The following NIN variants were observed in gnomAD, a reference collection of about 807,000 sequenced individuals.
NIN encodes glycogen synthase kinase 3 beta-interacting protein.
In NIN, 137 loss-of-function variants were observed where a neutral mutation model predicts 257.6. That is an observed-to-expected ratio of 0.53 (90% confidence interval 0.46 to 0.61). The LOEUF (loss-of-function observed/expected upper bound fraction) is 0.61, where lower values mean the gene tolerates loss of function less well. Ranked by LOEUF, NIN falls within the 20% of genes least tolerant of loss-of-function variation. The pLI is 0.00. For missense variants in NIN, 2,439 were observed against 2,501.2 expected (o/e 0.98, Z 0.53); for synonymous variants, 918 against 919.8 (o/e 1.00, Z 0.04).
chr14:50,751,588 A>C (rs999338857), intron 21 of NIN, among the ~76,000 whole-genome samples: 2 of 152,220 alleles, frequency 1.3e-5, no homozygotes, highest in African/African-American at 4.8e-5. Flanking sequence ...ATTTAGAGAT[A>C]GGGTCTCACC....
chr14:50,727,053 C>A (rs1276832932), intron 29 of NIN, among the ~76,000 whole-genome samples: 1 of 151,740 alleles, frequency 6.6e-6, no homozygotes, highest in Non-Finnish European at 1.5e-5. Flanking sequence ...AAAATTGGGC[C>A]TGGAGGACAT....
At chr14:50,768,986 A>G (rs1203890825) in intron 12 of NIN, among the ~76,000 whole-genome samples, 5 of 152,212 alleles carry the variant, frequency 3.3e-5, no homozygotes, top group Non-Finnish European at 7.3e-5. Flanking sequence ...TTAGCTTCTG[A>G]GACTTACACC....
chr14:50,796,807 T>C (rs1398616116), intron 4 of NIN, among the ~76,000 whole-genome samples: 1 of 151,880 alleles, frequency 6.6e-6, no homozygotes, highest in Non-Finnish European at 1.5e-5. Flanking sequence ...CTACTCCAGG[T>C]TTCAAGCAAT....
chr14:50,785,474 TTTTTTG>T (rs755452705), intron 5 of NIN, among the ~76,000 whole-genome samples: 17 of 152,148 alleles, frequency 1.1e-4, no homozygotes, highest in Non-Finnish European at 1.5e-4. Context: ...AGAGTTGTGG[TTTTTTG>T]TTTTTGTTTT....
intron 29 of NIN, chr14:50,727,610 T>C: frequency 1.4e-6 from 2 of 1,431,308 alleles, no homozygotes; most frequent in Non-Finnish European, 1.9e-6. Context: ...CTTATGTCTC[T>C]GTGTGTGGTG....
chr14:50,763,194 T>C (rs2141677884), intron 15 of NIN, among the ~76,000 whole-genome samples: 1 of 152,046 alleles, frequency 6.6e-6, no homozygotes, highest in East Asian at 1.9e-4. Flanking sequence ...GAGCTGTCTC[T>C]GAAATTTAAA....
rs762469121 is a variant in NIN at position 50,735,609 on chromosome 14, C to T, written c.5784G>A (p.Gln1928=). 60 of 1,609,012 alleles carry T rather than the reference C, an allele frequency of 3.7e-5. No homozygotes were observed. The highest frequency in any genetic ancestry group is 5.0e-5 in the Non-Finnish European group (59 of 1,179,460). The change falls in exon 28 of 31, where the codon CAG becomes CAA. Residue 1928 remains glutamine, a synonymous_variant. Coordinates refer to ENST00000530997, the MANE Select transcript of NIN (RefSeq NM_020921.4). ...EQSPANRKVS[Q]MNSLEQELET... ...CTAATTCTTGTTCAAGGGAATTCAT[C>T]TGACTGACCTGTTTAAAAAAAACAA...
At chr14:50,765,116 A>T (rs909382877) in intron 14 of NIN, among the ~76,000 whole-genome samples, 1 of 151,626 alleles carries the variant, frequency 6.6e-6, no homozygotes, top group Admixed American at 6.6e-5. Flanking sequence ...AGACACCTGC[A>T]ATCCCAGCTA....
In NIN at chr14:50,752,739, T is replaced by A; in HGVS notation, c.4735-6A>T. 6.7e-7 allele frequency: 1 copy of A among 1,500,240 alleles called. No homozygotes were observed. The highest frequency in any genetic ancestry group is 9.1e-7 in the Non-Finnish European group (1 of 1,100,050). The allele number at this position is 1,500,240 out of a possible 1,614,324, so 92.9% of individuals were successfully genotyped here. On this transcript the variant is annotated splice_polypyrimidine_tract_variant and splice_region_variant and intron_variant, in intron 20 of 30. Transcript: ENST00000530997. The stretch of plus-strand genomic sequence containing the variant: ...TTGATTTTTAATTCTGAAATCTAAT[T>A]AAAATTAAAATAAGTTTTTCAAACT...
chr14:50,748,306 G>C (rs1312404064), intron 21 of NIN, among the ~76,000 whole-genome samples: 1 of 152,092 alleles, frequency 6.6e-6, no homozygotes, highest in East Asian at 1.9e-4. Context: ...CAATAAACTA[G>C]GTATTGATGG....
In NIN at chr14:50,757,987, G is replaced by C. The variant is rs1464334690; in HGVS notation, c.3043C>G (p.Leu1015Val). Residue 1015 changes from leucine (L) to valine (V), a missense_variant, in exon 18 of 31, where the codon CTT (leucine) becomes GTT (valine). Physicochemically the swap from Leu to Val is conservative, Grantham distance 32 (BLOSUM62 1). Transcript: ENST00000530997. The part of the protein sequence containing the change: ...RAEMSTEISR[L>V]QSKIKEMQQA... Reference sequence around the variant, plus strand: ...TGCATTTCCTTTATTTTACTCTGAAGTCTGGAGATTTCTGTGCTCATCTCG... The same window carrying C: ...TGCATTTCCTTTATTTTACTCTGAACTCTGGAGATTTCTGTGCTCATCTCG... 2 of 1,614,076 alleles carry C rather than the reference G, an allele frequency of 1.2e-6. No individual in the cohort carries two copies. Among genetic ancestry groups the C allele is most frequent in the African/African-American group, 2.7e-5 (2 of 74,928 alleles).
chr14:50,764,089 A>G, intron 14 of NIN, 125 bp from the exon 15 acceptor site: 2 of 767,800 alleles, frequency 2.6e-6, no homozygotes, highest in South Asian at 3.6e-5. Flanking sequence ...GACACTATCA[A>G]GAAAGTAGAA....
intron 2 of NIN, among the ~76,000 whole-genome samples, chr14:50,824,107 T>C (rs2045356292): frequency 6.6e-6 from 1 of 152,208 alleles, no homozygotes; most frequent in African/African-American, 2.4e-5. Flanking sequence ...AAAGCAAGAC[T>C]CTTCTTTTGC....
intron 22 of NIN, among the ~76,000 whole-genome samples, 190 bp from the exon 23 acceptor site, chr14:50,744,555 T>A (rs1595747221): frequency 6.6e-6 from 1 of 152,174 alleles, no homozygotes; most frequent in African/African-American, 2.4e-5. Context: ...TGATTCCCAG[T>A]TGACTGTTGA....
chr14:50,772,020 A>C (rs1490852149), intron 9 of NIN: 22 of 272,126 alleles, frequency 8.1e-5, no homozygotes, highest in South Asian at 1.7e-4. Context: ...CAAAAAAAAA[A>C]CACAACAACA....
At chr14:50,796,977 T>C (rs2043868138) in intron 4 of NIN, among the ~76,000 whole-genome samples, 6 of 152,216 alleles carry the variant, frequency 3.9e-5, no homozygotes, top group Admixed American at 3.9e-4. Flanking sequence ...TAAGGGAAGC[T>C]AAAATCATTA....
At chr14:50,774,183 T>C (rs550816446) in intron 7 of NIN, among the ~76,000 whole-genome samples, 26 of 152,378 alleles carry the variant, frequency 1.7e-4, no homozygotes, top group African/African-American at 6.0e-4. Flanking sequence ...ATTGCTCTTG[T>C]TGCATTTGAG....
intron 3 of NIN, among the ~76,000 whole-genome samples, chr14:50,815,047 T>G (rs530749749): frequency 1.2e-3 from 178 of 152,334 alleles, no homozygotes; most frequent in Non-Finnish European, 2.0e-3. Flanking sequence ...AAATGAGATC[T>G]AATTAAACTA....
chr14:50,741,781 T>A, intron 24 of NIN, 53 bp from the exon 25 acceptor site: 18 of 1,571,364 alleles, frequency 1.1e-5, no homozygotes, highest in Non-Finnish European at 1.5e-5. Flanking sequence ...TGGTCTCACC[T>A]CTAGCATGTT....
Sources: allele counts gnomAD v4.1 joint callset (sites outside exome capture counted in the v4.1 genomes callset), GRCh38; gene constraint gnomAD v4.1.1; transcripts MANE v1.5; gene names NCBI Gene and HGNC (gene_info 2026-07-23, HGNC 2026-07-21).